The following MTERF4 variants were observed in gnomAD, a reference collection of about 807,000 sequenced individuals.
The protein encoded by MTERF4 is mitochondrial transcription termination factor 4.
MTERF4 carries 17 observed loss-of-function variants against 22.5 expected under a neutral mutation model. That is an observed-to-expected ratio of 0.75 (90% confidence interval 0.52 to 1.13). MTERF4 has a LOEUF of 1.13. Ranked by LOEUF, MTERF4 falls within the 50% of genes most tolerant of loss-of-function variation. The probability of loss-of-function intolerance (pLI) is 0.00; values close to 1 mark genes in which losing one functional copy is unlikely to be tolerated. For missense variants in MTERF4, 420 were observed against 466.8 expected, an observed-to-expected ratio of 0.90 and a Z score of 0.92; for synonymous variants, 165 against 175.3, an observed-to-expected ratio of 0.94 and a Z score of 0.47.
chr2:241,054,877 G>T, the MTERF4 span, among the ~76,000 whole-genome samples: 2 of 152,220 alleles, frequency 1.3e-5, no homozygotes, highest in Admixed American at 6.5e-5. Flanking sequence ...AGCACTTTGG[G>T]AGGCCGAGGC....
At chr2:241,102,071 T>A in intron 1 of MTERF4, 182 bp downstream of exon 1, 3 of 735,198 alleles carry the variant, frequency 4.1e-6, no homozygotes, top group Non-Finnish European at 4.3e-6. Context: ...AAATGTCAAC[T>A]CTATATCCCA....
chr2:241,052,526 G>C, the MTERF4 span: 4,120 of 1,333,170 alleles, frequency 3.1e-3, 153 homozygotes, highest in African/African-American at 0.062. Context: ...AGGCAGGTGA[G>C]ATGGCCAGGG....
the MTERF4 span, chr2:241,048,524 C>T: frequency 1.9e-5 from 28 of 1,508,276 alleles, no homozygotes; most frequent in South Asian, 7.7e-5. Context: ...ATGCAGGAAA[C>T]GCCCCGAAAA....
Position 241,096,496 on chromosome 2 carries a change from C to G in MTERF4, c.706-58G>C, listed in dbSNP as rs2064433179. 3 of 1,577,724 alleles carry G rather than the reference C, an allele frequency of 1.9e-6. No individual in the cohort carries two copies. The highest frequency in any genetic ancestry group is 2.6e-6 in the Non-Finnish European group (3 of 1,148,414). ...ATACAGAGTATTGAAACCTATCATTCTATAAACCATAAAAACTTAAGTTGT... is the reference window on the plus strand; with the variant it reads ...ATACAGAGTATTGAAACCTATCATTGTATAAACCATAAAAACTTAAGTTGT... On this transcript the variant is annotated intron_variant, in intron 3 of 3. Transcript: ENST00000391980. The surrounding 1 kb of genome is among the most constrained non-coding windows in gnomAD (Gnocchi z 5.1).
chr2:241,051,493 C>T, the MTERF4 span: 1 of 393,730 alleles, frequency 2.5e-6, no homozygotes, highest in Admixed American at 4.1e-5. This position sits in a 1 kb window ranked among gnomAD's most constrained non-coding sequence, Gnocchi z 4.7. Flanking sequence ...ATTGCCAGAG[C>T]CTGGGCAGAA....
chr2:241,051,029 CAG>C, the MTERF4 span, among the ~76,000 whole-genome samples: 44 of 152,318 alleles, frequency 2.9e-4, no homozygotes, highest in African/African-American at 5.8e-4. This position sits in a 1 kb window ranked among gnomAD's most constrained non-coding sequence, Gnocchi z 4.7. Flanking sequence ...TGGCTGTCCT[CAG>C]GGGTGGGGCA....
chr2:241,052,567 A>T, the MTERF4 span: 4 of 942,088 alleles, frequency 4.2e-6, no homozygotes, highest in Non-Finnish European at 6.7e-6. Flanking sequence ...TACCAGTGCC[A>T]GGCAGGTGAG....
At chr2:241,063,010 C>T in the MTERF4 span, 2 of 681,068 alleles carry the variant, frequency 2.9e-6, no homozygotes, top group Admixed American at 5.9e-5. Context: ...GCCAGGGTGG[C>T]CACTGCATGC....
chr2:241,080,187 G>C (rs568008863), intron 4 of MTERF4, among the ~76,000 whole-genome samples: 2 of 152,136 alleles, frequency 1.3e-5, no homozygotes, highest in Non-Finnish European at 2.9e-5. Context: ...GGGAGGCTGA[G>C]GTGGGAGAAT....
the MTERF4 span, among the ~76,000 whole-genome samples, chr2:241,056,588 T>TTTTTTTTTTG: frequency 7.1e-6 from 1 of 141,290 alleles, no homozygotes; most frequent in Non-Finnish European, 1.5e-5. Flanking sequence ...AAATTTTTTT[T>TTTTTTTTTTG]TTTTTTTTTT....
downstream of MTERF4, chr2:241,088,052 C>T (rs2063674986): frequency 2.2e-6 from 1 of 447,438 alleles, no homozygotes; most frequent in Non-Finnish European, 4.0e-6. Context: ...TGCTGCTCGG[C>T]CTGTGCACGT....
chr2:241,056,278 T>G, the MTERF4 span, among the ~76,000 whole-genome samples: 1 of 152,214 alleles, frequency 6.6e-6, no homozygotes. Context: ...ATAAATTGTT[T>G]TATTTGTTAT....
the MTERF4 span, chr2:241,062,974 C>A: frequency 9.9e-7 from 1 of 1,007,950 alleles, no homozygotes; most frequent in Non-Finnish European, 1.4e-6. Flanking sequence ...GGCACTGGGT[C>A]CCCCGGACAG....
In MTERF4 at chr2:241,096,686, AG is replaced by A; in HGVS notation, c.706-249del. ...GGAGGGAAAAGGGGCAGGAGGGAGA[AG>A]GGGCAGAAGGAAGAGGTGGTATTTT... is the stretch of plus-strand genomic sequence containing the variant. On this transcript the variant is annotated intron_variant, in intron 3 of 3. Transcript: ENST00000391980. The surrounding 1 kb of genome is among the most constrained non-coding windows in gnomAD (Gnocchi z 5.1). The A allele has an allele frequency of 1.5e-6, 1 of 673,542 alleles. No individual in the cohort carries two copies. The highest frequency in any genetic ancestry group is 1.8e-5 in the African/African-American group (1 of 56,510). 41.7% of individuals were successfully genotyped at this position (673,542 alleles called of 1,614,324 possible).
downstream of MTERF4, among the ~76,000 whole-genome samples, chr2:241,070,523 C>A (rs934637946): frequency 2.6e-5 from 4 of 152,224 alleles, no homozygotes; most frequent in African/African-American, 9.6e-5. Context: ...GAGGAGGAAG[C>A]CCCCGGAAGT....
chr2:241,078,042 C>T (rs75373918), intron 4 of MTERF4, among the ~76,000 whole-genome samples: 1 of 152,144 alleles, frequency 6.6e-6, no homozygotes, highest in Non-Finnish European at 1.5e-5. Context: ...TATAGCAGCA[C>T]AGCACAAAAG....
chr2:241,055,202 A>T, the MTERF4 span, among the ~76,000 whole-genome samples: 1 of 152,202 alleles, frequency 6.6e-6, no homozygotes, highest in South Asian at 2.1e-4. Flanking sequence ...AAGAAGAGAA[A>T]ATGAAAATGT....
the MTERF4 span, chr2:241,048,512 G>A: frequency 1.3e-6 from 2 of 1,527,208 alleles, no homozygotes; most frequent in East Asian, 4.7e-5. Flanking sequence ...TCCTGTGGGT[G>A]CATGCAGGAA....
the MTERF4 span, chr2:241,063,946 T>A: frequency 1.3e-5 from 16 of 1,203,328 alleles, no homozygotes; most frequent in Non-Finnish European, 1.9e-5. Flanking sequence ...TTCTTCCCGC[T>A]GTCCTCTCCT....
Sources: allele counts gnomAD v4.1 joint callset (sites outside exome capture counted in the v4.1 genomes callset), GRCh38; gene constraint gnomAD v4.1.1; non-coding constraint Gnocchi (gnomAD v3.1); transcripts MANE v1.5; gene names NCBI Gene and HGNC (gene_info 2026-07-23, HGNC 2026-07-21).